The following FAM9A variants were observed in gnomAD, a reference collection of about 807,000 sequenced individuals.
The protein encoded by FAM9A is protein FAM9A.
Under a neutral mutation model 25.0 loss-of-function variants are expected in FAM9A, and 49 were observed. That is an observed-to-expected ratio of 1.96 (90% CI 1.56 to 2.48). The LOEUF (loss-of-function observed/expected upper bound fraction) is 2.48, where lower values mean the gene tolerates loss of function less well. FAM9A is among the 30% of genes most tolerant of loss of function. The pLI, the probability that FAM9A is intolerant of heterozygous loss-of-function variation, is 0.00. For missense variants in FAM9A, 266 were observed against 249.3 expected (o/e 1.07, Z -0.45); for synonymous variants, 80 against 85.1 (o/e 0.94, Z 0.33).
intron 8 of FAM9A, among the ~76,000 whole-genome samples, chrX:8,792,180 CAAAG>C (rs1933478059): frequency 9.0e-6 from 1 of 111,155 alleles, no homozygotes; most frequent in Non-Finnish European, 1.9e-5. Context: ...TAGGCAGGAG[CAAAG>C]ACAGAGGGCG....
At chrX:8,800,013 CA>C (rs1174096829) in intron 2 of FAM9A, 67 bp downstream of exon 2, 1 of 1,119,643 alleles carries the variant, frequency 8.9e-7, no homozygotes, top group African/African-American at 1.9e-5. Flanking sequence ...ACAAAGGGGC[CA>C]GGGGTCTCGG....
In FAM9A at chrX:8,796,267, C is replaced by A; in HGVS notation, c.488+1G>T. 2.6e-6 allele frequency: 3 copies of A among 1,160,823 alleles called. No homozygotes were observed. Among genetic ancestry groups the A allele is most frequent in the African/African-American group, 1.8e-5 (1 of 56,195 alleles). ...TTATGCAAAAAAGCCAACAATCATA[C>A]CTTTTTAGTTGTTTTTTTTTCAAAG... On this transcript the variant is annotated splice_donor_variant, in intron 6 of 9. Transcript: ENST00000381003. LOFTEE classifies it high-confidence loss of function.
At position 8,795,364 on chromosome X, in the gene FAM9A, A is replaced by C. The variant is rs1365665598; in HGVS notation, c.545T>G (p.Ile182Ser). ...TTCATCATCTTTCTGCTTCTCTGCG[A>C]TGTATTCTTTAAGGACATTCAGCAA... ...RKLLNVLKEY[I>S]AEKQKDDEAE... Residue 182 changes from isoleucine to serine, a missense_variant, in exon 7 of 10, where the codon ATC (isoleucine) becomes AGC (serine). By Grantham distance (142) the Ile-to-Ser change is moderately radical. Transcript: ENST00000381003. 1 of 1,205,841 alleles carries C rather than the reference A, an allele frequency of 8.3e-7. No homozygotes were observed. Among genetic ancestry groups the C allele is most frequent in the Non-Finnish European group, 1.1e-6 (1 of 893,640 alleles).
intron 8 of FAM9A, among the ~76,000 whole-genome samples, chrX:8,791,951 C>A (rs1933475188): frequency 1.8e-5 from 2 of 111,632 alleles, no homozygotes; most frequent in South Asian, 7.4e-4. Flanking sequence ...TGAGCAAATG[C>A]ACAAATAAAA....
chrX:8,794,386 A>G (rs1354617872), intron 7 of FAM9A, among the ~76,000 whole-genome samples: 1 of 112,006 alleles, frequency 8.9e-6, no homozygotes, highest in African/African-American at 3.2e-5. Flanking sequence ...GAACCTTTCA[A>G]TCCTCCAAAT....
At chrX:8,792,629 T>C (rs1290641388) in intron 8 of FAM9A, among the ~76,000 whole-genome samples, 1 of 111,902 alleles carries the variant, frequency 8.9e-6, no homozygotes, top group Non-Finnish European at 1.9e-5. Context: ...AAATGGTTTC[T>C]GGTGAACATT....
At chrX:8,791,249 G>C in intron 9 of FAM9A, 31 bp downstream of exon 9, 1 of 978,220 alleles carries the variant, frequency 1.0e-6, no homozygotes, top group Non-Finnish European at 1.4e-6. Context: ...CATCAATCCT[G>C]AGTTTTTAAA....
intron 8 of FAM9A, among the ~76,000 whole-genome samples, chrX:8,791,942 G>A (rs1003060175): frequency 8.9e-6 from 1 of 111,987 alleles, no homozygotes. Context: ...CCTGTGACAT[G>A]AGCAAATGCA....
At chrX:8,793,585 GAAAC>G in intron 8 of FAM9A, 69 bp downstream of exon 8, 3 of 904,179 alleles carry the variant, frequency 3.3e-6, no homozygotes, top group Admixed American at 2.5e-5. Context: ...CATACATTCG[GAAAC>G]AAACAGACTT....
Position 8,795,322 on chromosome X carries a change from GCTTCTGCTT to G in FAM9A, c.578_586del (p.Glu193_Glu195del), listed in dbSNP as rs1226025730. The stretch of plus-strand genomic sequence containing the variant: ...TGCGGCTTCTGCTGCTGCTGCTGCG[GCTTCTGCTT>G]CTTCTGCTTCATCATCTTTCTGCTT... On this transcript the variant is annotated inframe_deletion, in exon 7 of 10. Coordinates refer to ENST00000381003, the MANE Select transcript of FAM9A (RefSeq NM_174951.3). The G allele has an allele frequency of 1.7e-6, 2 of 1,207,471 alleles. No individual in the cohort carries two copies. Among genetic ancestry groups the G allele is most frequent in the South Asian group, 1.8e-5 (1 of 56,741 alleles).
rs778086718 is a variant in FAM9A at position 8,795,160 on chromosome X, T to C, written c.749A>G (p.Glu250Gly). ...TCCTTCTCCTCCTCCTCCTCCTTCTTCTCCTTCTTCTCCTCCTCCTTCTTC... is the reference window on the plus strand; with the variant it reads ...TCCTTCTCCTCCTCCTCCTCCTTCTCCTCCTTCTTCTCCTCCTCCTTCTTC... Reference protein sequence around the residue: ...GEEEGGGEEGEEGGGGGEGEE... With the variant: ...GEEEGGGEEGGEGGGGGEGEE... The change falls in exon 7 of 10, where the codon GAA becomes GGA. Residue 250 changes from glutamate to glycine, a missense_variant. Glu to Gly is a moderately conservative substitution (Grantham distance 98). Coordinates refer to ENST00000381003, the MANE Select transcript of FAM9A (RefSeq NM_174951.3). The C allele has an allele frequency of 2.9e-6, 3 of 1,023,407 alleles. No individual in the cohort carries two copies. The highest frequency in any genetic ancestry group is 3.8e-5 in the African/African-American group (2 of 52,218). 84.3% of individuals were successfully genotyped at this position (1,023,407 alleles called of 1,213,427 possible).
chrX:8,795,197 C>A lies in FAM9A; in HGVS notation c.712G>T (p.Glu238Ter), dbSNP rs1482766838. 2.9e-6 allele frequency: 3 copies of A among 1,044,161 alleles called. No individual in the cohort carries two copies. Among genetic ancestry groups the A allele is most frequent in the African/African-American group, 1.9e-5 (1 of 53,003 alleles). The allele number at this position is 1,044,161 out of a possible 1,213,427, so 86.1% of individuals were successfully genotyped here. ...EEEEEKEEEE[E>*]EGEEEGGGEE... Reference sequence around the variant, plus strand: ...CCTCCTCCTTCTTCTTCTCCTTCTTCTTCCTCCTCTTCTTTCTCCTCCTCC... The same window carrying A: ...CCTCCTCCTTCTTCTTCTCCTTCTTATTCCTCCTCTTCTTTCTCCTCCTCC... The change falls in exon 7 of 10, where the codon GAA becomes TAA. Residue 238 changes from glutamate to a stop codon, truncating the protein, a stop_gained. Coordinates refer to ENST00000381003, the MANE Select transcript of FAM9A (RefSeq NM_174951.3). LOFTEE classifies it high-confidence loss of function.
In FAM9A at chrX:8,798,984, G is replaced by C; in HGVS notation, c.202C>G (p.Pro68Ala). ...TGTTTACCTGTGTGCTTCTTCGCCG[G>C]GGCGGCCCTAACTTGAGCTTCCAAC... is the stretch of plus-strand genomic sequence containing the variant. ...AQLEAQVRAA[P>A]AKKHTGKDPV... The change falls in exon 3 of 10, where the codon CCG becomes GCG. Residue 68 changes from proline to alanine, a missense_variant. Pro to Ala is a conservative substitution (Grantham distance 27). Transcript: ENST00000381003. The C allele has an allele frequency of 8.2e-7, 1 of 1,212,558 alleles. No homozygotes were observed. The highest frequency in any genetic ancestry group is 1.1e-6 in the Non-Finnish European group (1 of 895,658).
chrX:8,793,609 A>T, intron 8 of FAM9A, 49 bp downstream of exon 8: 1 of 1,010,658 alleles, frequency 9.9e-7, no homozygotes, highest in Non-Finnish European at 1.4e-6. Flanking sequence ...TTCTTCTGTT[A>T]TGCACGTGTT....
chrX:8,798,533 C>T (rs1255709409), intron 3 of FAM9A, 54 bp from the exon 4 acceptor site: 2 of 1,183,563 alleles, frequency 1.7e-6, no homozygotes, highest in Non-Finnish European at 2.3e-6. Flanking sequence ...CTGTTGTGGA[C>T]ATCTTTTGTA....
chrX:8,793,387 C>T (rs746081633), intron 8 of FAM9A, among the ~76,000 whole-genome samples: 6 of 111,903 alleles, frequency 5.4e-5, no homozygotes, highest in Non-Finnish European at 1.1e-4. Flanking sequence ...TGTGTCAATG[C>T]GTTAACAATA....
intron 6 of FAM9A, 88 bp downstream of exon 6, chrX:8,796,180 T>G: frequency 4.2e-6 from 3 of 710,692 alleles, no homozygotes; most frequent in Non-Finnish European, 6.3e-6. Flanking sequence ...GACGCCAATA[T>G]GTACAGGACA....
At chrX:8,801,213 C>G (rs1227441190) in intron 1 of FAM9A, 98 bp downstream of exon 1, 1 of 108,660 alleles carries the variant, frequency 9.2e-6, no homozygotes, top group African/African-American at 3.4e-5. Flanking sequence ...TGCTCGACTT[C>G]CTGCCTCCCT....
In FAM9A at chrX:8,790,950, G is replaced by T. The variant is rs1295032079; in HGVS notation, c.*254C>A. 7.0e-6 allele frequency: 1 copy of T among 142,875 alleles called. No individual in the cohort carries two copies. Among genetic ancestry groups the T allele is most frequent in the African/African-American group, 3.1e-5 (1 of 31,961 alleles). 11.8% of individuals were successfully genotyped at this position (142,875 alleles called of 1,213,427 possible). ...GTGCAATCCCTGCCTTCTCACAGAA[G>T]TGTCTAGGATTCATTCAACAGATCA... is the stretch of plus-strand genomic sequence containing the variant. On this transcript the variant is annotated 3_prime_UTR_variant, in exon 10 of 10. Coordinates refer to ENST00000381003, the MANE Select transcript of FAM9A (RefSeq NM_174951.3).
Sources: gnomAD v4.1 joint callset for allele counts (sites outside exome capture counted in the v4.1 genomes callset) on GRCh38, gnomAD v4.1.1 for gene constraint, MANE v1.5 for transcripts, NCBI Gene and HGNC (gene_info 2026-07-23, HGNC 2026-07-21) for gene names.